Variants in XAB2 observed in about 807,000 individuals in gnomAD.
XAB2 encodes the protein pre-mRNA-splicing factor SYF1.
Under a neutral mutation model 113.4 loss-of-function variants are expected in XAB2, and 57 were observed. That is an observed-to-expected ratio of 0.50 (90% CI 0.41 to 0.63). The LOEUF is 0.63. Ranked by LOEUF, XAB2 falls within the 20% of genes least tolerant of loss-of-function variation. The pLI is 0.00. For synonymous variants in XAB2, 497 were observed against 498.8 expected (o/e 1.00, Z 0.05); for missense variants, 1,037 against 1,233.3 (o/e 0.84, Z 2.38).
Position 7,627,951 on chromosome 19 carries a change from T to C in XAB2, c.201-100A>G, listed in dbSNP as rs531955594. The C allele has an allele frequency of 3.9e-5, 60 of 1,546,052 alleles. No individual in the cohort carries two copies. In the South Asian group the frequency reaches 7.1e-4, roughly 18 times the overall value. ...TTGGCAAATGTGGGAAGAAGGGGTG[T>C]GGGAGGGGTGACATGTCTCAGCAAT... On this transcript the variant is annotated intron_variant, in intron 2 of 18. Transcript: ENST00000358368. The surrounding 1 kb of genome is among the most constrained non-coding windows in gnomAD (Gnocchi z 4.5).
rs4134810 is a variant in XAB2, at chr19:7,629,463, C to T, written c.51+14G>A. On this transcript the variant is annotated intron_variant, in intron 1 of 18. Transcript: ENST00000358368. Reference sequence around the variant, plus strand: ...CCCCAACGCAGGCCACCCCCGGCTCCTCTGTGGACTCACGAAGACAAGGTC... The same window carrying T: ...CCCCAACGCAGGCCACCCCCGGCTCTTCTGTGGACTCACGAAGACAAGGTC... The T allele has an allele frequency of 1.0e-3, 1,608 of 1,592,338 alleles. 15 individuals are homozygous for T. The East Asian group carries it at 0.02, about 20-fold the overall frequency.
chr19:7,620,156 G>A (rs4134867), intron 16 of XAB2, 81 bp from the exon 17 acceptor site: 65 of 1,592,970 alleles, frequency 4.1e-5, no homozygotes, highest in Non-Finnish European at 5.2e-5. Context: ...TCCCCCAGGT[G>A]ATGGCCCAGC....
chr19:7,619,675 C>T (rs1410402059), intron 18 of XAB2, 28 bp from the exon 19 acceptor site: 2 of 1,604,442 alleles, frequency 1.2e-6, no homozygotes, highest in Non-Finnish European at 1.7e-6. Flanking sequence ...GCCAGTCACC[C>T]TCCTGGCGTT....
Position 7,620,683 on chromosome 19 carries a change from T to A in XAB2, c.1972-14A>T. ...GTCCGACAGCACCTGGACACCGGGG[T>A]TGGGGAGGCCGGGAGTGAGGCCGGG... is the stretch of plus-strand genomic sequence containing the variant. On this transcript the variant is annotated splice_polypyrimidine_tract_variant and intron_variant, in intron 14 of 18. Coordinates refer to ENST00000358368, the MANE Select transcript of XAB2 (RefSeq NM_020196.3). The A allele has an allele frequency of 6.2e-7, 1 of 1,611,794 alleles. No homozygotes were observed. Among genetic ancestry groups the A allele is most frequent in the Non-Finnish European group, 8.5e-7 (1 of 1,179,398 alleles).
Position 7,619,934 on chromosome 19 carries a change from A to C in XAB2, c.2396+12T>G. 6.2e-7 allele frequency: 1 copy of C among 1,610,508 alleles called. No homozygotes were observed. The highest frequency in any genetic ancestry group is 2.2e-5 in the East Asian group (1 of 44,876). ...TGTCCCAGTCCTGTCCCGTCCAAGG[A>C]TCCGCCCTCACCTCACGAACAGGAT... On this transcript the variant is annotated intron_variant, in intron 17 of 18. Transcript: ENST00000358368.
Position 7,620,443 on chromosome 19 carries a change from T to C in XAB2, c.2098A>G (p.Thr700Ala). 1 of 1,608,818 alleles carries C rather than the reference T, an allele frequency of 6.2e-7. No individual in the cohort carries two copies. The highest frequency in any genetic ancestry group is 8.5e-7 in the Non-Finnish European group (1 of 1,178,208). ...FCSQICDPRTTGAFWQTWKDF... is the reference protein window; with the variant it reads ...FCSQICDPRTAGAFWQTWKDF... ...TTCCACGTCTGCCAGAACGCGCCGG[T>C]CGTCTGCGTGGGGGGCAGGGCAGGG... The change falls in exon 16 of 19, where the codon ACC becomes GCC. Residue 700 changes from threonine (T) to alanine (A), a missense_variant. By Grantham distance (58) the Thr-to-Ala change is moderately conservative. Coordinates refer to ENST00000358368, the MANE Select transcript of XAB2 (RefSeq NM_020196.3).
At chr19:7,620,226 C>A in intron 16 of XAB2, 49 bp downstream of exon 16, 1 of 1,609,070 alleles carries the variant, frequency 6.2e-7, no homozygotes, top group African/African-American at 1.3e-5. Context: ...CAGGTCAGGC[C>A]GGGCTGAGAT....
intron 1 of XAB2, 74 bp downstream of exon 1, chr19:7,629,403 C>T: frequency 6.5e-7 from 1 of 1,538,692 alleles, no homozygotes. Flanking sequence ...CTTGCCGACC[C>T]AGCCTCGATC....
chr19:7,626,079 G>A, intron 5 of XAB2, 35 bp from the exon 6 acceptor site: 1 of 1,610,430 alleles, frequency 6.2e-7, no homozygotes, highest in Non-Finnish European at 8.5e-7. Flanking sequence ...AGAGTCTCAG[G>A]CTCAGTCATG....
At position 7,619,564 on chromosome 19, in the gene XAB2, G is replaced by C; in HGVS notation, c.*22C>G. On this transcript the variant is annotated 3_prime_UTR_variant, in exon 19 of 19. Coordinates refer to ENST00000358368, the MANE Select transcript of XAB2 (RefSeq NM_020196.3). ...AGCTGTATTGGGGAGGGGGTGGGGA[G>C]GGGGGATGGGGGAGGGACGGGTCAG... The C allele has an allele frequency of 1.3e-6, 2 of 1,514,898 alleles. No individual in the cohort carries two copies. The highest frequency in any genetic ancestry group is 1.8e-6 in the Non-Finnish European group (2 of 1,125,234). 93.8% of individuals were successfully genotyped at this position (1,514,898 alleles called of 1,614,324 possible). A position where few individuals can be genotyped will look rare whatever the true frequency, so the allele number is the denominator to read the frequency against.
chr19:7,627,982 GGACA>G lies in XAB2; in HGVS notation c.201-135_201-132del. 1 of 1,478,882 alleles carries G rather than the reference GGACA, an allele frequency of 6.8e-7. No homozygotes were observed. The highest frequency in any genetic ancestry group is 1.4e-5 in the African/African-American group (1 of 72,258). The allele number at this position is 1,478,882 out of a possible 1,614,324, so 91.6% of individuals were successfully genotyped here. On this transcript the variant is annotated intron_variant, in intron 2 of 18. Coordinates refer to ENST00000358368, the MANE Select transcript of XAB2 (RefSeq NM_020196.3). The surrounding 1 kb of genome is among the most constrained non-coding windows in gnomAD (Gnocchi z 4.5). ...GGGTGACATGTCTCAGCAATGACAGGGACAGACTGGGACATCAGAGAAGGTGTGC... is the reference window on the plus strand; with the variant it reads ...GGGTGACATGTCTCAGCAATGACAGGGACTGGGACATCAGAGAAGGTGTGC...
rs1470282215 is a variant in XAB2, at chr19:7,626,246, A to C, written c.547T>G (p.Tyr183Asp). Residue 183 changes from tyrosine to aspartate, a missense_variant, in exon 5 of 19, where the codon TAC becomes GAC. Tyr to Asp is a radical substitution (Grantham distance 160, BLOSUM62 -3). Transcript: ENST00000358368. ...LKLSPESAEE[Y>D]IEYLKSSDRL... Reference sequence around the variant, plus strand: ...TCACTTGACTTGAGGTACTCAATGTACTCCTCTGCACTCTCAGGACTCAGC... The same window carrying C: ...TCACTTGACTTGAGGTACTCAATGTCCTCCTCTGCACTCTCAGGACTCAGC... The C allele has an allele frequency of 6.2e-7, 1 of 1,612,476 alleles. No individual in the cohort carries two copies. The highest frequency in any genetic ancestry group is 1.7e-5 in the Admixed American group (1 of 60,028).
At chr19:7,619,920 T>C in intron 17 of XAB2, 26 bp downstream of exon 17, 1 of 1,609,956 alleles carries the variant, frequency 6.2e-7, no homozygotes, top group Non-Finnish European at 8.5e-7. Context: ...GTCCCAGTCC[T>C]GTCCCGTCCA....
At position 7,622,653 on chromosome 19, in the gene XAB2, C is replaced by T. The variant is rs375113742; in HGVS notation, c.1380G>A (p.Thr460=). 13 of 1,611,462 alleles carry T rather than the reference C, an allele frequency of 8.1e-6. No homozygotes were observed. The highest frequency in any genetic ancestry group is 2.2e-5 in the East Asian group (1 of 44,888). Residue 460 remains threonine (T), a synonymous_variant, in exon 11 of 19, where the codon ACG becomes ACA. Coordinates refer to ENST00000358368, the MANE Select transcript of XAB2 (RefSeq NM_020196.3). The stretch of plus-strand genomic sequence containing the variant: ...ACTCGGCCCGGCGGGCAGGCAGCGC[C>T]GTGGCCTTCTGCAGGGGCAGACAGT... ...DEALRLLRKA[T]ALPARRAEYF...
At chr19:7,621,098 C>CCCCCCCCCCCCCCCCCAACCCCCA in intron 13 of XAB2, 37 bp downstream of exon 13, 1 of 1,495,070 alleles carries the variant, frequency 6.7e-7, no homozygotes, top group Non-Finnish European at 9.0e-7. Context: ...AAACCCAGCC[C>CCCCCCCCCCCCCCCCCAACCCCCA]GCCCGCCACC....
At position 7,623,009 on chromosome 19, in the gene XAB2, C is replaced by T. The variant is rs1455393784; in HGVS notation, c.1240-116G>A. The stretch of plus-strand genomic sequence containing the variant: ...ATACAGGCACAAACACACAGGCACA[C>T]ACACAGGCACACACATGCGTGCACA... On this transcript the variant is annotated intron_variant, in intron 9 of 18. Transcript: ENST00000358368. This position sits in a 1 kb window ranked among gnomAD's most constrained non-coding sequence, Gnocchi z 4.6. 6.5e-7 allele frequency: 1 copy of T among 1,540,466 alleles called. No individual in the cohort carries two copies. The highest frequency in any genetic ancestry group is 1.4e-5 in the African/African-American group (1 of 73,432).
intron 13 of XAB2, 40 bp downstream of exon 13, chr19:7,621,095 G>GGGCCCCCC: frequency 2.7e-6 from 4 of 1,486,218 alleles, no homozygotes; most frequent in Non-Finnish European, 3.6e-6. Context: ...CAGAAACCCA[G>GGGCCCCCC]CCCGCCCGCC....
chr19:7,623,673 T>C lies in XAB2; in HGVS notation c.1119+58A>G. ...GACATTATGGGTGAAGGTGGGTGGC[T>C]CCCCAGTTCTGCAGGAAACTGGCCC... On this transcript the variant is annotated intron_variant, in intron 8 of 18. Transcript: ENST00000358368. The surrounding 1 kb of genome is among the most constrained non-coding windows in gnomAD (Gnocchi z 4.6). The C allele has an allele frequency of 2.0e-6, 3 of 1,521,598 alleles. No individual in the cohort carries two copies. The highest frequency in any genetic ancestry group is 1.8e-6 in the Non-Finnish European group (2 of 1,140,110). The allele number at this position is 1,521,598 out of a possible 1,614,324, so 94.3% of individuals were successfully genotyped here. A position where few individuals can be genotyped will look rare whatever the true frequency, so the allele number is the denominator to read the frequency against.
chr19:7,622,210 G>A, intron 12 of XAB2, 121 bp downstream of exon 12: 1 of 961,220 alleles, frequency 1.0e-6, no homozygotes, highest in South Asian at 1.5e-5. Context: ...AATCTTTGTT[G>A]TTTAAGTCAC....
Sources: gnomAD v4.1 joint callset for allele counts on GRCh38, gnomAD v4.1.1 for gene constraint, Gnocchi (gnomAD v3.1) non-coding constraint, MANE v1.5 for transcripts, NCBI Gene and HGNC (gene_info 2026-07-23, HGNC 2026-07-21) for gene names.